Variants in HK2 observed in about 807,000 individuals in gnomAD.
HK2 encodes the protein hexokinase-2.
In HK2, 42 loss-of-function variants were observed where a neutral mutation model predicts 92.9. The observed-to-expected ratio is 0.45, with a 90% CI of 0.35 to 0.58. HK2 has a LOEUF of 0.58. Ranked by LOEUF, HK2 falls within the 20% of genes least tolerant of loss-of-function variation. The pLI is 0.00. For synonymous variants in HK2, 422 were observed against 468.0 expected, an observed-to-expected ratio of 0.90 and a Z score of 1.27; for missense variants, 978 against 1,245.1, an observed-to-expected ratio of 0.79 and a Z score of 3.23.
chr2:74,846,418 A>T (rs896512236), intron 1 of HK2, among the ~76,000 whole-genome samples: 1 of 152,206 alleles, frequency 6.6e-6, no homozygotes, highest in African/African-American at 2.4e-5. Context: ...CATTACCTGA[A>T]CCAGCCCCGT....
intron 1 of HK2, among the ~76,000 whole-genome samples, chr2:74,853,396 A>C (rs912234304): frequency 6.6e-6 from 1 of 152,022 alleles, no homozygotes; most frequent in Non-Finnish European, 1.5e-5. Context: ...GCACCGCTGT[A>C]ATCCCAGCTA....
At chr2:74,840,857 C>G (rs550684653) in intron 1 of HK2, among the ~76,000 whole-genome samples, 16 of 114,410 alleles carry the variant, frequency 1.4e-4, no homozygotes, top group Admixed American at 6.2e-4. Context: ...CCAGCCTGGG[C>G]GACAGAGCAA....
chr2:74,884,823 G>C (rs3755450), intron 12 of HK2, among the ~76,000 whole-genome samples: 1 of 151,998 alleles, frequency 6.6e-6, no homozygotes, highest in African/African-American at 2.4e-5. Flanking sequence ...GTTCAAAGCC[G>C]TCAAGCATCT....
intron 2 of HK2, among the ~76,000 whole-genome samples, chr2:74,854,805 G>A (rs921977339): frequency 5.3e-5 from 8 of 152,186 alleles, no homozygotes; most frequent in African/African-American, 1.4e-4. Context: ...CGTACCTCAC[G>A]TGGCCACAAC....
intron 2 of HK2, among the ~76,000 whole-genome samples, chr2:74,862,432 C>T (rs1166739301): frequency 1.3e-5 from 2 of 152,196 alleles, no homozygotes; most frequent in African/African-American, 2.4e-5. Flanking sequence ...TAAGCTGCCT[C>T]GTGCCCTTTA....
At position 74,887,881 on chromosome 2, in the gene HK2, A is replaced by G. The variant is rs750780600; in HGVS notation, c.2220-22A>G. On this transcript the variant is annotated intron_variant, in intron 15 of 17. Coordinates refer to ENST00000290573, the MANE Select transcript of HK2 (RefSeq NM_000189.5). Reference sequence around the variant, plus strand: ...CCCTCCACCTTCCTACTTAACCTCCATGAATGTTACTTGCATTGCAGGTTC... The same window carrying G: ...CCCTCCACCTTCCTACTTAACCTCCGTGAATGTTACTTGCATTGCAGGTTC... The G allele has an allele frequency of 5.0e-6, 8 of 1,612,460 alleles. No individual in the cohort carries two copies. The Admixed American group carries it at 1.0e-4, about 20-fold the overall frequency.
intron 10 of HK2, among the ~76,000 whole-genome samples, 162 bp downstream of exon 10, chr2:74,880,731 T>C (rs1427811366): frequency 6.6e-6 from 1 of 152,240 alleles, no homozygotes; most frequent in Admixed American, 6.5e-5. Flanking sequence ...TCAAACAAGG[T>C]GCTCCTCTGC....
At chr2:74,885,845 A>AACACACACAC (rs71406901) in intron 13 of HK2, among the ~76,000 whole-genome samples, 3,034 of 129,056 alleles carry the variant, frequency 0.024, 142 homozygotes, top group African/African-American at 0.087. Context: ...AGAGCTGTGA[A>AACACACACAC]ACACACACAC....
At chr2:74,888,079 G>A (rs1269598979) in intron 16 of HK2, 21 bp downstream of exon 16, 1 of 1,613,452 alleles carries the variant, frequency 6.2e-7, no homozygotes, top group South Asian at 1.1e-5. Context: ...AGGGCTCAGG[G>A]TAGCAGGGGG....
chr2:74,876,656 TC>T (rs1442354935), intron 7 of HK2, among the ~76,000 whole-genome samples: 1 of 152,022 alleles, frequency 6.6e-6, no homozygotes, highest in Non-Finnish European at 1.5e-5. Flanking sequence ...TGCCCCATCA[TC>T]CCCTGCCCCA....
At chr2:74,854,987 C>T (rs1023556000) in intron 2 of HK2, among the ~76,000 whole-genome samples, 3 of 152,112 alleles carry the variant, frequency 2.0e-5, no homozygotes, top group African/African-American at 4.8e-5. Flanking sequence ...AAGTATGGAG[C>T]GTCACAGTGC....
In HK2 at chr2:74,877,152, G is replaced by C; in HGVS notation, c.876-14G>C. The stretch of plus-strand genomic sequence containing the variant: ...AGTGGGGACTTTATGTTTTTGGTTT[G>C]TGTCTTCCGGCAGGTTTGAGAAGAT... On this transcript the variant is annotated splice_polypyrimidine_tract_variant and intron_variant, in intron 7 of 17. Transcript: ENST00000290573. The C allele has an allele frequency of 2.5e-6, 4 of 1,613,626 alleles. No individual in the cohort carries two copies. The highest frequency in any genetic ancestry group is 2.5e-6 in the Non-Finnish European group (3 of 1,180,014).
intron 1 of HK2, among the ~76,000 whole-genome samples, chr2:74,849,660 T>TG (rs1688520393): frequency 6.6e-6 from 1 of 152,202 alleles, no homozygotes; most frequent in East Asian, 1.9e-4. Context: ...TGCCTGAAGG[T>TG]GACCCTGGGT....
Position 74,834,403 on chromosome 2 carries a change from C to G in HK2, c.-178C>G, listed in dbSNP as rs1688095743. On this transcript the variant is annotated 5_prime_UTR_variant, in exon 1 of 18. Transcript: ENST00000290573. This position sits in a 1 kb window ranked among gnomAD's most constrained non-coding sequence, Gnocchi z 4.2. ...CGCCAAAATCACGTCTCCGGAGACC[C>G]GCGCCCTCCGCCAGCCGGGCGCACC... 6.0e-6 allele frequency: 4 copies of G among 672,094 alleles called. No individual in the cohort carries two copies. In the East Asian group the frequency reaches 1.1e-4, roughly 18 times the overall value. 41.6% of individuals were successfully genotyped at this position (672,094 alleles called of 1,614,324 possible).
rs972847963 is a variant in HK2 at position 74,877,083 on chromosome 2, G to T, written c.876-83G>T. On this transcript the variant is annotated intron_variant, in intron 7 of 17. Coordinates refer to ENST00000290573, the MANE Select transcript of HK2 (RefSeq NM_000189.5). ...TTAACCCTTAGTTGTGAAGTTGCAC[G>T]TGTGCGCATCTTGCTTCAACAGGGA... The T allele has an allele frequency of 1.5e-5, 24 of 1,556,890 alleles. No individual in the cohort carries two copies. The South Asian group carries it at 2.6e-4, about 17-fold the overall frequency.
chr2:74,865,766 A>T (rs894982614), intron 2 of HK2, among the ~76,000 whole-genome samples: 20 of 152,150 alleles, frequency 1.3e-4, no homozygotes, highest in African/African-American at 3.9e-4. Context: ...CTTTTCTTGG[A>T]CAGGTTTCTG....
chr2:74,887,915 G>C lies in HK2; in HGVS notation c.2232G>C (p.Met744Ile), dbSNP rs1373513329. 6.2e-7 allele frequency: 1 copy of C among 1,613,872 alleles called. No homozygotes were observed. The highest frequency in any genetic ancestry group is 8.5e-7 in the Non-Finnish European group (1 of 1,180,006). Reference protein sequence around the residue: ...LNPGKQRFEKMISGMYLGEIV... With the variant: ...LNPGKQRFEKIISGMYLGEIV... Reference sequence around the variant, plus strand: ...ACTTGCATTGCAGGTTCGAGAAAATGATCAGTGGAATGTACCTGGGTGAGA... The same window carrying C: ...ACTTGCATTGCAGGTTCGAGAAAATCATCAGTGGAATGTACCTGGGTGAGA... The change falls in exon 16 of 18, where the codon ATG (methionine) becomes ATC (isoleucine). Residue 744 changes from methionine to isoleucine, a missense_variant. By Grantham distance (10) the Met-to-Ile change is conservative (BLOSUM62 1). Coordinates refer to ENST00000290573, the MANE Select transcript of HK2 (RefSeq NM_000189.5).
At chr2:74,875,439 C>T (rs894332403) in intron 7 of HK2, among the ~76,000 whole-genome samples, 22 of 147,048 alleles carry the variant, frequency 1.5e-4, no homozygotes, top group African/African-American at 5.1e-4. Context: ...AGCGATTCTC[C>T]TACCTCAGCT....
intron 1 of HK2, 82 bp from the exon 2 acceptor site, chr2:74,854,211 G>A (rs927880840): frequency 1.5e-6 from 2 of 1,312,166 alleles, no homozygotes; most frequent in African/African-American, 2.9e-5. Context: ...CTTTTGAAGA[G>A]CTGAGTGGTG....
Sources: gnomAD v4.1 joint callset for allele counts (sites outside exome capture counted in the v4.1 genomes callset) on GRCh38, gnomAD v4.1.1 for gene constraint, Gnocchi (gnomAD v3.1) non-coding constraint, MANE v1.5 for transcripts, NCBI Gene and HGNC (gene_info 2026-07-23, HGNC 2026-07-21) for gene names.